COG6: variants seen among roughly 807,000 people sequenced by gnomAD.
COG6 encodes the protein conserved oligomeric Golgi complex subunit 6.
COG6 carries 74 observed loss-of-function variants against 88.8 expected under a neutral mutation model. That is an observed-to-expected ratio of 0.83 (90% CI 0.69 to 1.01). The LOEUF is 1.01. COG6 is among the 50% of genes least tolerant of loss of function. The probability of loss-of-function intolerance (pLI) is 0.00; values close to 1 mark genes in which losing one functional copy is unlikely to be tolerated. For missense variants in COG6, 800 were observed against 797.9 expected (o/e 1.00, Z -0.03); for synonymous variants, 286 against 278.7 (o/e 1.03, Z -0.26).
At chr13:39,664,062 C>G (rs1455022022) in intron 3 of COG6, 1 of 154,702 alleles carries the variant, frequency 6.5e-6, no homozygotes, top group East Asian at 1.9e-4. Context: ...ATTTCCCTCA[C>G]AGTCTGAAAA....
exon 19 of COG6, chr13:39,791,161 A>T (rs962014105): frequency 6.6e-6 from 1 of 152,064 alleles, no homozygotes; most frequent in Non-Finnish European, 1.5e-5. Context: ...AAACAGACAG[A>T]CACCCACTTT....
intron 18 of COG6, among the ~76,000 whole-genome samples, chr13:39,768,306 A>G (rs1027242777): frequency 3.3e-5 from 5 of 152,222 alleles, no homozygotes; most frequent in Non-Finnish European, 7.3e-5. Context: ...TGGGCAGCTG[A>G]ACCCGGAACA....
intron 13 of COG6, among the ~76,000 whole-genome samples, chr13:39,710,165 TTCTC>T (rs1412976010): frequency 6.6e-6 from 1 of 152,180 alleles, no homozygotes; most frequent in Non-Finnish European, 1.5e-5. Flanking sequence ...GGTCTTTAGT[TTCTC>T]TCACTAACCT....
At chr13:39,670,722 A>G (rs1275915725) in intron 4 of COG6, among the ~76,000 whole-genome samples, 1 of 152,068 alleles carries the variant, frequency 6.6e-6, no homozygotes, top group Non-Finnish European at 1.5e-5. Flanking sequence ...TTGCTCTGTC[A>G]TCTAGGAAGC....
chr13:39,685,573 C>T (rs184053416), intron 8 of COG6, among the ~76,000 whole-genome samples: 2 of 152,082 alleles, frequency 1.3e-5, no homozygotes, highest in Non-Finnish European at 1.5e-5. Context: ...ACAAATTATG[C>T]TGTTTATTTT....
chr13:39,778,560 CT>C (rs1304500640), intron 18 of COG6, among the ~76,000 whole-genome samples: 3 of 152,214 alleles, frequency 2.0e-5, no homozygotes, highest in African/African-American at 7.2e-5. Context: ...TCAGACCCCC[CT>C]GGATTGGTAT....
intron 18 of COG6, among the ~76,000 whole-genome samples, chr13:39,762,894 G>T (rs549734319): frequency 5.3e-5 from 8 of 150,908 alleles, no homozygotes; most frequent in Non-Finnish European, 1.2e-4. Flanking sequence ...TCAGATTTCA[G>T]TATCTCACCA....
intron 18 of COG6, among the ~76,000 whole-genome samples, chr13:39,770,330 A>G (rs183401090): frequency 1.3e-5 from 2 of 152,326 alleles, no homozygotes; most frequent in East Asian, 3.9e-4. Flanking sequence ...CAGGGATGCT[A>G]AGAGCAGCCA....
At chr13:39,690,673 GT>G (rs1474182779) in intron 11 of COG6, among the ~76,000 whole-genome samples, 1 of 151,652 alleles carries the variant, frequency 6.6e-6, no homozygotes, top group East Asian at 1.9e-4. Context: ...TAAGGTTTTT[GT>G]TTTTTTGGTA....
intron 13 of COG6, among the ~76,000 whole-genome samples, chr13:39,714,668 G>C (rs942692335): frequency 6.6e-6 from 1 of 152,094 alleles, no homozygotes; most frequent in African/African-American, 2.4e-5. Context: ...TATACTGCTG[G>C]TGGGAATGTA....
chr13:39,747,344 C>T (rs572434630), intron 18 of COG6, among the ~76,000 whole-genome samples: 218 of 152,298 alleles, frequency 1.4e-3, no homozygotes, highest in African/African-American at 4.7e-3. Flanking sequence ...AGACTCGCTT[C>T]AGAGAATCTC....
intron 15 of COG6, among the ~76,000 whole-genome samples, chr13:39,723,047 T>G (rs1020295201): frequency 2.0e-5 from 3 of 152,138 alleles, no homozygotes; most frequent in Non-Finnish European, 2.9e-5. Flanking sequence ...TGTTGTTGTT[T>G]ACTAGTGTTT....
intron 18 of COG6, among the ~76,000 whole-genome samples, chr13:39,740,551 T>A (rs956511636): frequency 6.6e-6 from 1 of 152,192 alleles, no homozygotes; most frequent in Non-Finnish European, 1.5e-5. Flanking sequence ...TAGACCCTAT[T>A]CTCTTCAACA....
chr13:39,680,170 G>T (rs1876225296), intron 7 of COG6, 125 bp downstream of exon 7: 5 of 619,718 alleles, frequency 8.1e-6, no homozygotes, highest in South Asian at 2.2e-5. Flanking sequence ...AATAAAAATA[G>T]TATTTGTATT....
chr13:39,725,705 ATAG>A (rs35623045), intron 17 of COG6, among the ~76,000 whole-genome samples: 43,813 of 151,526 alleles, frequency 0.29, 6,522 homozygotes, highest in Non-Finnish European at 0.34. Flanking sequence ...AAACAAAAAC[ATAG>A]TAGCAAAAAT....
intron 2 of COG6, 50 bp downstream of exon 2, chr13:39,659,557 C>CT (rs759903662): frequency 6.8e-7 from 1 of 1,478,520 alleles, no homozygotes; most frequent in Admixed American, 1.7e-5. Flanking sequence ...ACTATTACGC[C>CT]TGGCTCTGTG....
At chr13:39,682,306 CT>C (rs1205671957) in intron 8 of COG6, 42 bp downstream of exon 8, 1 of 1,108,732 alleles carries the variant, frequency 9.0e-7, no homozygotes, top group East Asian at 2.4e-5. Flanking sequence ...GCCTACTTTT[CT>C]TTTGATATCT....
chr13:39,747,631 G>A (rs1242245884), intron 18 of COG6, among the ~76,000 whole-genome samples: 1 of 151,852 alleles, frequency 6.6e-6, no homozygotes, highest in African/African-American at 2.4e-5. Context: ...TTAAACACTC[G>A]TTTAGTTTTA....
At chr13:39,766,708 C>G (rs1444611001) in intron 18 of COG6, among the ~76,000 whole-genome samples, 5 of 152,108 alleles carry the variant, frequency 3.3e-5, no homozygotes, top group South Asian at 2.1e-4. Flanking sequence ...ATCAGCACCC[C>G]CTCCCCAAGC....
Sources: allele counts gnomAD v4.1 joint callset (sites outside exome capture counted in the v4.1 genomes callset), GRCh38; gene constraint gnomAD v4.1.1; transcripts MANE v1.5; gene names NCBI Gene and HGNC (gene_info 2026-07-23, HGNC 2026-07-21).